PCDH15: variants seen among roughly 807,000 people sequenced by gnomAD.
PCDH15 encodes the protein protocadherin-15.
PCDH15 carries 129 observed loss-of-function variants against 178.5 expected under a neutral mutation model. The observed-to-expected ratio is 0.72, with a 90% CI of 0.63 to 0.84. The LOEUF is 0.84. Ranked by LOEUF, PCDH15 falls within the 40% of genes least tolerant of loss-of-function variation. The probability of loss-of-function intolerance (pLI) is 0.00; values close to 1 mark genes in which losing one functional copy is unlikely to be tolerated. For missense variants in PCDH15, 2,230 were observed against 2,099.9 expected (o/e 1.06, Z -1.21); for synonymous variants, 800 against 732.0 (o/e 1.09, Z -1.50).
At chr10:54,073,220 T>A (rs1407298480) in intron 17 of PCDH15, among the ~76,000 whole-genome samples, 1 of 150,712 alleles carries the variant, frequency 6.6e-6, no homozygotes, top group Non-Finnish European at 1.5e-5. Context: ...ATTTATAGTA[T>A]ACCTGTATAC....
chr10:55,350,147 T>A (rs1844871985), intron 2 of PCDH15, among the ~76,000 whole-genome samples: 1 of 150,112 alleles, frequency 6.7e-6, no homozygotes, highest in African/African-American at 2.4e-5. Flanking sequence ...ACTATAAATA[T>A]CTCCAAGGAA....
rs534562576 is a variant in PCDH15 at position 53,823,620 on chromosome 10, T to TTTTTTG, written c.4368-3396_4368-3391dup. 7.4e-3 allele frequency among the ~76,000 whole-genome samples: 1,120 copies of TTTTTTG among 152,100 alleles called. 15 individuals carry two copies. Among genetic ancestry groups the TTTTTTG allele is most frequent in the African/African-American group, 0.025 (1,056 of 41,494 alleles). ...CTCTAGATTATTTTGGAAGAGAGTA[T>TTTTTTG]TTTTTGTTTTTGTTTTTTTTCAGCT... On this transcript the variant is annotated intron_variant, in intron 32 of 37. Transcript: ENST00000644397.
At chr10:54,846,360 C>G (rs1953511722) in intron 3 of PCDH15, among the ~76,000 whole-genome samples, 1 of 152,002 alleles carries the variant, frequency 6.6e-6, no homozygotes, top group Non-Finnish European at 1.5e-5. Flanking sequence ...ATGGCAGGTC[C>G]CTCGGGGTTT....
chr10:54,949,474 A>G (rs1309845235), intron 2 of PCDH15, among the ~76,000 whole-genome samples: 1 of 151,804 alleles, frequency 6.6e-6, no homozygotes, highest in Non-Finnish European at 1.5e-5. Context: ...TGCTGTGAAG[A>G]CCCCTGACAT....
chr10:54,249,167 GTATA>G (rs1391317455), intron 8 of PCDH15, among the ~76,000 whole-genome samples: 4 of 151,776 alleles, frequency 2.6e-5, no homozygotes, highest in African/African-American at 9.7e-5. Context: ...CTAATTGTCC[GTATA>G]TAAACACATG....
At chr10:55,138,100 C>A (rs748595131) in intron 2 of PCDH15, among the ~76,000 whole-genome samples, 19 of 152,080 alleles carry the variant, frequency 1.2e-4, no homozygotes, top group Non-Finnish European at 2.5e-4. Context: ...GGAGGGTATT[C>A]TTGCTGCTAT....
chr10:54,337,335 G>A (rs1322405990), intron 6 of PCDH15, among the ~76,000 whole-genome samples: 1 of 151,948 alleles, frequency 6.6e-6, no homozygotes, highest in Non-Finnish European at 1.5e-5. Context: ...GATTTGGGAG[G>A]TGCCAGGTGT....
intron 10 of PCDH15, among the ~76,000 whole-genome samples, chr10:54,196,983 G>C (rs2133937287): frequency 6.6e-6 from 1 of 152,226 alleles, no homozygotes; most frequent in East Asian, 1.9e-4. Context: ...TGTTATTGCA[G>C]CTCAAAGAAA....
intron 15 of PCDH15, among the ~76,000 whole-genome samples, chr10:54,119,725 A>AT (rs1006832617): frequency 5.7e-4 from 84 of 148,438 alleles, no homozygotes; most frequent in East Asian, 2.2e-3. Context: ...ACTTAAGAAA[A>AT]TTTTTTTTTT....
intron 2 of PCDH15, among the ~76,000 whole-genome samples, chr10:55,422,606 TA>T (rs1838650373): frequency 6.6e-6 from 1 of 151,870 alleles, no homozygotes; most frequent in Admixed American, 6.6e-5. Context: ...TTTAAGTTGT[TA>T]TTAGCAGTTT....
At chr10:54,532,353 A>G (rs1183841655) in intron 2 of PCDH15, among the ~76,000 whole-genome samples, 1 of 152,090 alleles carries the variant, frequency 6.6e-6, no homozygotes, top group African/African-American at 2.4e-5. Context: ...TTCCCTCTCC[A>G]GTCTCATCTA....
intron 2 of PCDH15, among the ~76,000 whole-genome samples, chr10:55,082,739 C>A (rs1486252508): frequency 1.3e-5 from 2 of 151,574 alleles, no homozygotes; most frequent in Admixed American, 1.3e-4. Flanking sequence ...ACTGATCTGG[C>A]AGAAATTCAA....
intron 10 of PCDH15, among the ~76,000 whole-genome samples, chr10:54,209,627 A>C (rs1397765305): frequency 2.6e-5 from 4 of 152,110 alleles, no homozygotes; most frequent in African/African-American, 9.7e-5. Flanking sequence ...AATTTGTCAC[A>C]ATTAAATAAT....
chr10:54,662,685 C>A (rs530330928), intron 2 of PCDH15, among the ~76,000 whole-genome samples: 119 of 152,028 alleles, frequency 7.8e-4, no homozygotes, highest in African/African-American at 2.7e-3. Context: ...CTAAAAAGTG[C>A]ATGGTTCGTG....
intron 1 of PCDH15, among the ~76,000 whole-genome samples, chr10:55,213,198 T>A (rs1840613965): frequency 6.6e-6 from 1 of 152,078 alleles, no homozygotes; most frequent in Non-Finnish European, 1.5e-5. Context: ...ATTTAGACAA[T>A]GAAAATAGAT....
At chr10:55,497,549 T>C (rs1244933124) in intron 2 of PCDH15, among the ~76,000 whole-genome samples, 2 of 151,870 alleles carry the variant, frequency 1.3e-5, no homozygotes, top group Non-Finnish European at 1.5e-5. Flanking sequence ...TCATAAAATT[T>C]CAGCCATTAA....
At chr10:53,965,575 G>C (rs1019225299) in intron 21 of PCDH15, among the ~76,000 whole-genome samples, 4 of 152,088 alleles carry the variant, frequency 2.6e-5, no homozygotes, top group African/African-American at 9.7e-5. Flanking sequence ...TTGAGCAAAA[G>C]TGCTTGGCAA....
intron 2 of PCDH15, among the ~76,000 whole-genome samples, chr10:55,404,504 T>C (rs1451629512): frequency 6.6e-6 from 1 of 152,052 alleles, no homozygotes; most frequent in Admixed American, 6.6e-5. Context: ...TACAGTTTTA[T>C]ATATAAAATG....
intron 2 of PCDH15, among the ~76,000 whole-genome samples, chr10:55,086,487 T>C (rs1842170594): frequency 6.6e-6 from 1 of 152,092 alleles, no homozygotes; most frequent in Admixed American, 6.6e-5. Context: ...TTGCAAGTCC[T>C]GGTATAAGCG....
Sources: gnomAD v4.1 joint callset for allele counts (sites outside exome capture counted in the v4.1 genomes callset) on GRCh38, gnomAD v4.1.1 for gene constraint, MANE v1.5 for transcripts, NCBI Gene and HGNC (gene_info 2026-07-23, HGNC 2026-07-21) for gene names.